HTRA3: variants seen among roughly 807,000 people sequenced by gnomAD.
HTRA3 encodes HtrA serine peptidase 3, also known as serine protease HTRA3.
In HTRA3, 41 loss-of-function variants were observed where a neutral mutation model predicts 43.2. That is an observed-to-expected ratio of 0.95 (90% CI 0.74 to 1.23). HTRA3 has a LOEUF of 1.23. HTRA3 is among the 50% of genes most tolerant of loss of function. The pLI, the probability that HTRA3 is intolerant of heterozygous loss-of-function variation, is 0.00. For synonymous variants in HTRA3, 295 were observed against 287.9 expected, an observed-to-expected ratio of 1.02 and a Z score of -0.25; for missense variants, 628 against 647.1, an observed-to-expected ratio of 0.97 and a Z score of 0.32.
chr4:8,304,123 T>A (rs573124866), intron 7 of HTRA3, 61 bp from the exon 8 acceptor site: 69 of 1,416,398 alleles, frequency 4.9e-5, no homozygotes, highest in Non-Finnish European at 6.1e-5. Flanking sequence ...GAGGGGCAGC[T>A]TCATACCAAA....
chr4:8,306,113 A>G lies in HTRA3; in HGVS notation c.1339A>G (p.Ile447Val). 5.6e-6 allele frequency: 9 copies of G among 1,599,564 alleles called. No individual in the cohort carries two copies. Among genetic ancestry groups the G allele is most frequent in the Non-Finnish European group, 7.7e-6 (9 of 1,171,200 alleles). ...GGGGAACGACGACCTCCTCTTCAGC[A>G]TCGCACCTGAGGTGGTCATGTGAGG... The part of the protein sequence containing the change: ...RRGNDDLLFS[I>V]APEVVM Residue 447 changes from isoleucine to valine, a missense_variant, in exon 9 of 9, where the codon ATC becomes GTC. Ile to Val is a conservative substitution (Grantham distance 29). Coordinates refer to ENST00000307358, the MANE Select transcript of HTRA3 (RefSeq NM_053044.5). This position sits in a 1 kb window ranked among gnomAD's most constrained non-coding sequence, Gnocchi z 8.9.
intron 1 of HTRA3, among the ~76,000 whole-genome samples, chr4:8,273,607 C>T (rs894333577): frequency 9.9e-5 from 15 of 151,880 alleles, no homozygotes; most frequent in East Asian, 1.9e-4. Context: ...CTCCAGCCCC[C>T]GGGTCTCTCC....
intron 6 of HTRA3, among the ~76,000 whole-genome samples, chr4:8,298,152 C>G (rs1713524171): frequency 6.6e-6 from 1 of 152,216 alleles, no homozygotes; most frequent in Non-Finnish European, 1.5e-5. Flanking sequence ...CAGACCCTCC[C>G]ACAGCCAGAA....
chr4:8,293,786 C>A, intron 5 of HTRA3, among the ~76,000 whole-genome samples: 1 of 152,146 alleles, frequency 6.6e-6, no homozygotes. Flanking sequence ...TGGCGGTGTC[C>A]TTGGCCCAGT....
intron 1 of HTRA3, among the ~76,000 whole-genome samples, chr4:8,276,752 C>T (rs548527054): frequency 3.2e-4 from 48 of 152,224 alleles, no homozygotes; most frequent in Non-Finnish European, 5.0e-4. Context: ...ACATTGAGCT[C>T]GGGTCTAGGT....
intron 1 of HTRA3, among the ~76,000 whole-genome samples, chr4:8,273,313 G>A (rs1025762600): frequency 1.1e-4 from 16 of 152,248 alleles, no homozygotes; most frequent in South Asian, 4.1e-4. Flanking sequence ...CTGCCCTCCC[G>A]AGGTCCCAGC....
chr4:8,305,790 C>T (rs1327510252), intron 8 of HTRA3, among the ~76,000 whole-genome samples, 181 bp from the exon 9 acceptor site: 3 of 152,004 alleles, frequency 2.0e-5, no homozygotes, highest in South Asian at 4.2e-4. Context: ...GTTTCCCTGT[C>T]GTGTGACATT....
At chr4:8,285,984 C>G (rs1210285287) in intron 2 of HTRA3, among the ~76,000 whole-genome samples, 1 of 152,250 alleles carries the variant, frequency 6.6e-6, no homozygotes, top group Non-Finnish European at 1.5e-5. Flanking sequence ...GCCCCAGCCT[C>G]TGGGGAGCCT....
intron 6 of HTRA3, among the ~76,000 whole-genome samples, chr4:8,298,616 A>T (rs1037902436): frequency 3.3e-5 from 5 of 152,092 alleles, no homozygotes; most frequent in Non-Finnish European, 7.4e-5. Context: ...TTCTTCTAGA[A>T]GTTTTACTTT....
At chr4:8,274,953 C>T (rs1712459081) in intron 1 of HTRA3, among the ~76,000 whole-genome samples, 1 of 152,226 alleles carries the variant, frequency 6.6e-6, no homozygotes, top group Non-Finnish European at 1.5e-5. Flanking sequence ...TTGTAATCCT[C>T]TTAGCAGCTT....
At chr4:8,302,611 G>A in intron 7 of HTRA3, 100 bp downstream of exon 7, 1 of 1,205,002 alleles carries the variant, frequency 8.3e-7, no homozygotes, top group South Asian at 1.2e-5. Context: ...GCTCCTTGCA[G>A]GTGCCCAGAC....
intron 3 of HTRA3, among the ~76,000 whole-genome samples, chr4:8,288,735 G>C (rs1302651355): frequency 6.6e-6 from 1 of 150,600 alleles, no homozygotes; most frequent in Non-Finnish European, 1.5e-5. Flanking sequence ...ACCACCCTCA[G>C]CTAATTTTTG....
chr4:8,284,004 T>A (rs2153004955), intron 2 of HTRA3, among the ~76,000 whole-genome samples: 1 of 152,304 alleles, frequency 6.6e-6, no homozygotes, highest in South Asian at 2.1e-4. Flanking sequence ...GTCGTGCTCC[T>A]TGAACAGGGG....
At chr4:8,271,186 C>G (rs532908822) in intron 1 of HTRA3, among the ~76,000 whole-genome samples, 1 of 151,726 alleles carries the variant, frequency 6.6e-6, no homozygotes, top group Non-Finnish European at 1.5e-5. Flanking sequence ...TGGGGAGCAC[C>G]AACTGCCGGG....
intron 1 of HTRA3, among the ~76,000 whole-genome samples, chr4:8,280,247 C>A (rs1434828035): frequency 6.6e-6 from 1 of 152,188 alleles, no homozygotes; most frequent in Non-Finnish European, 1.5e-5. Flanking sequence ...GCACATGGGG[C>A]GCCAGCCTCA....
Position 8,301,134 on chromosome 4 carries a change from CTT to C in HTRA3, c.1052-1328_1052-1327del, listed in dbSNP as rs931607910. Reference sequence around the variant, plus strand: ...ACTCTCAGCTTTATTGAGTCACACTCTTATTAGATTCACACTCTTTATTGACT... The same window carrying C: ...ACTCTCAGCTTTATTGAGTCACACTCATTAGATTCACACTCTTTATTGACT... On this transcript the variant is annotated intron_variant, in intron 6 of 8. Coordinates refer to ENST00000307358, the MANE Select transcript of HTRA3 (RefSeq NM_053044.5). 4.3e-4 allele frequency among the ~76,000 whole-genome samples: 56 copies of C among 129,422 alleles called. 2 individuals carry two copies. The highest frequency in any genetic ancestry group is 3.0e-5 in the Non-Finnish European group (2 of 65,712). 84.9% of individuals were successfully genotyped at this position (129,422 alleles called of 152,430 possible).
rs557808964 is a variant in HTRA3, at chr4:8,289,320, C to T, written c.709-2050C>T. On this transcript the variant is annotated intron_variant, in intron 3 of 8. Coordinates refer to ENST00000307358, the MANE Select transcript of HTRA3 (RefSeq NM_053044.5). ...AGCCCTGTGGTCTCTGTCACAACCACGCATCTCTGCTGTGGCAAAAATGCA... is the reference window on the plus strand; with the variant it reads ...AGCCCTGTGGTCTCTGTCACAACCATGCATCTCTGCTGTGGCAAAAATGCA... Among the ~76,000 whole-genome samples the T allele has an allele frequency of 8.5e-5, 13 of 152,348 alleles. No individual in the cohort carries two copies. The South Asian group carries it at 1.0e-3, about 12-fold the overall frequency.
chr4:8,290,575 A>G (rs910659294), intron 3 of HTRA3, among the ~76,000 whole-genome samples: 12 of 152,210 alleles, frequency 7.9e-5, no homozygotes, highest in Non-Finnish European at 1.3e-4. Context: ...AGAACCAGGA[A>G]GTTGATGTGG....
intron 1 of HTRA3, among the ~76,000 whole-genome samples, chr4:8,278,218 A>G (rs1446243873): frequency 6.6e-6 from 1 of 152,050 alleles, no homozygotes; most frequent in East Asian, 1.9e-4. Flanking sequence ...TCCATCAGGC[A>G]GGGCTGTTGG....
Sources: gnomAD v4.1 joint callset for allele counts (sites outside exome capture counted in the v4.1 genomes callset) on GRCh38, gnomAD v4.1.1 for gene constraint, Gnocchi (gnomAD v3.1) non-coding constraint, MANE v1.5 for transcripts, NCBI Gene and HGNC (gene_info 2026-07-23, HGNC 2026-07-21) for gene names.